The following FERMT2 variants were observed in gnomAD, a reference collection of about 807,000 sequenced individuals.
FERMT2 encodes the protein FERM domain containing kindlin 2.
In FERMT2, 15 loss-of-function variants were observed where a neutral mutation model predicts 82.7. The ratio of observed to expected loss-of-function variants is 0.18; its 90% confidence interval spans 0.12 to 0.28. FERMT2 has a LOEUF of 0.28. Among genes scored for constraint, FERMT2 ranks in the 10% least tolerant of loss-of-function variants. The pLI is 1.00. For synonymous variants in FERMT2, 274 were observed against 271.5 expected, an observed-to-expected ratio of 1.01 and a Z score of -0.09; for missense variants, 645 against 809.4, an observed-to-expected ratio of 0.80 and a Z score of 2.46.
At chr14:52,926,628 A>G (rs909628664) in intron 2 of FERMT2, among the ~76,000 whole-genome samples, 2 of 152,114 alleles carry the variant, frequency 1.3e-5, no homozygotes, top group African/African-American at 4.8e-5. Context: ...TTTATTCAGT[A>G]TATCTTATAT....
chr14:52,894,122 C>T (rs1231955159), intron 3 of FERMT2, among the ~76,000 whole-genome samples: 1 of 152,134 alleles, frequency 6.6e-6, no homozygotes, highest in Non-Finnish European at 1.5e-5. Flanking sequence ...CCACCGTGCC[C>T]GGCCCCAAAT....
At position 52,864,384 on chromosome 14, in the gene FERMT2, T is replaced by G. The variant is rs537272975; in HGVS notation, c.1602+17A>C. The G allele has an allele frequency of 5.1e-6, 8 of 1,575,308 alleles. No homozygotes were observed. In the African/African-American group the frequency reaches 1.1e-4, roughly 21 times the overall value. On this transcript the variant is annotated intron_variant, in intron 12 of 14. Transcript: ENST00000341590. ...AAACAAACCAGCACAGTAGATGAAG[T>G]AAAATGAAGTAAGTACCTGCTTGTT...
chr14:52,899,260 T>C (rs1376027192), intron 3 of FERMT2, among the ~76,000 whole-genome samples: 1 of 151,914 alleles, frequency 6.6e-6, no homozygotes, highest in Non-Finnish European at 1.5e-5. Context: ...ATAAGTTCTG[T>C]AGGCAATTCT....
chr14:52,949,317 T>C (rs1314878253), intron 2 of FERMT2, among the ~76,000 whole-genome samples: 1 of 151,272 alleles, frequency 6.6e-6, no homozygotes, highest in Non-Finnish European at 1.5e-5. Flanking sequence ...AAGAAATAGA[T>C]TTCCTGACAA....
At chr14:52,935,851 T>C (rs1361455396) in intron 2 of FERMT2, among the ~76,000 whole-genome samples, 2 of 152,214 alleles carry the variant, frequency 1.3e-5, no homozygotes, top group East Asian at 3.8e-4. Flanking sequence ...TCTGAGATAA[T>C]GTCTATCAAT....
At position 52,919,169 on chromosome 14, in the gene FERMT2, G is replaced by A. The variant is rs748741367; in HGVS notation, c.345C>T (p.Phe115=). ...NMKYVKVKVN[F]SDRVFKAVSD... is the part of the protein sequence containing the mutation. ...AAACAGCTTTGAAGACTCTATCAGAGAAATTCACTTTCACCTTCACATACT... is the reference window on the plus strand; with the variant it reads ...AAACAGCTTTGAAGACTCTATCAGAAAAATTCACTTTCACCTTCACATACT... Residue 115 remains phenylalanine, a synonymous_variant, in exon 3 of 15, where the codon TTC becomes TTT. Transcript: ENST00000341590. The A allele has an allele frequency of 1.9e-6, 3 of 1,614,044 alleles. No homozygotes were observed. In the Admixed American group the frequency reaches 5.0e-5, roughly 27 times the overall value.
At chr14:52,937,925 A>C (rs981171613) in intron 2 of FERMT2, among the ~76,000 whole-genome samples, 6 of 152,162 alleles carry the variant, frequency 3.9e-5, no homozygotes, top group Non-Finnish European at 8.8e-5. Context: ...CAATAAAACA[A>C]TTATTAGTCT....
At chr14:52,861,113 A>C (rs926956593) in intron 12 of FERMT2, 4 of 1,356,382 alleles carry the variant, frequency 2.9e-6, no homozygotes, top group Non-Finnish European at 4.0e-6. Flanking sequence ...CAACGAAGCA[A>C]AGAAAAAGTT....
chr14:52,899,841 T>C (rs1444047440), intron 3 of FERMT2, among the ~76,000 whole-genome samples: 2 of 152,176 alleles, frequency 1.3e-5, no homozygotes, highest in East Asian at 3.8e-4. Context: ...AAGAAGTAAT[T>C]AACAGACTTA....
intron 3 of FERMT2, among the ~76,000 whole-genome samples, chr14:52,895,719 G>A (rs1887218924): frequency 6.6e-6 from 1 of 152,034 alleles, no homozygotes; most frequent in African/African-American, 2.4e-5. Flanking sequence ...TGGTTTCAGA[G>A]GTATAAATAT....
intron 3 of FERMT2, among the ~76,000 whole-genome samples, chr14:52,915,196 A>G (rs1395578555): frequency 6.6e-6 from 1 of 152,230 alleles, no homozygotes; most frequent in Non-Finnish European, 1.5e-5. Flanking sequence ...GATTTTATTC[A>G]TGAATGGTAA....
At chr14:52,932,141 T>A (rs116872082) in intron 2 of FERMT2, among the ~76,000 whole-genome samples, 1,802 of 152,350 alleles carry the variant, frequency 0.012, 53 homozygotes, top group East Asian at 0.075. Context: ...ATAACTTGGC[T>A]AAAGTTCATA....
Position 52,881,270 on chromosome 14 carries a change from A to C in FERMT2, c.726T>G (p.Leu242=). 6.2e-7 allele frequency: 1 copy of C among 1,614,072 alleles called. No individual in the cohort carries two copies. Among genetic ancestry groups the C allele is most frequent in the Non-Finnish European group, 8.5e-7 (1 of 1,179,966 alleles). The change falls in exon 5 of 15, where the codon CTT becomes CTG. Residue 242 remains leucine (L), a synonymous_variant. Coordinates refer to ENST00000341590, the MANE Select transcript of FERMT2 (RefSeq NM_006832.3). ...ILAKMFKPQA[L]LDKAKINQGW... Reference sequence around the variant, plus strand: ...CTTGGTTGATTTTTGCTTTATCAAGAAGAGCTTGAGGCTTGAACATTTTTG... The same window carrying C: ...CTTGGTTGATTTTTGCTTTATCAAGCAGAGCTTGAGGCTTGAACATTTTTG...
At chr14:52,905,253 A>G (rs1887936894) in intron 3 of FERMT2, among the ~76,000 whole-genome samples, 2 of 152,052 alleles carry the variant, frequency 1.3e-5, no homozygotes, top group South Asian at 4.2e-4. Flanking sequence ...TTGATAAATC[A>G]AGAAGTAACA....
intron 2 of FERMT2, among the ~76,000 whole-genome samples, chr14:52,946,117 T>C (rs1015352681): frequency 6.6e-6 from 1 of 152,126 alleles, no homozygotes; most frequent in African/African-American, 2.4e-5. Flanking sequence ...CCTTCTGATC[T>C]GCCCGCCTTG....
chr14:52,878,423 A>C (rs571839640), intron 7 of FERMT2, among the ~76,000 whole-genome samples, 159 bp downstream of exon 7: 11 of 152,294 alleles, frequency 7.2e-5, no homozygotes, highest in African/African-American at 2.6e-4. Context: ...ATCAAACTAA[A>C]ATGTATTTGT....
intron 10 of FERMT2, among the ~76,000 whole-genome samples, chr14:52,865,406 T>A (rs1348578185): frequency 6.6e-6 from 1 of 152,214 alleles, no homozygotes; most frequent in Non-Finnish European, 1.5e-5. Flanking sequence ...ACAGCTGGCA[T>A]AAACAAGTAG....
chr14:52,872,015 G>A (rs1157516253), intron 10 of FERMT2: 1 of 152,402 alleles, frequency 6.6e-6, no homozygotes, highest in African/African-American at 2.4e-5. Context: ...CCCTGAAAGT[G>A]TCAGCTACTC....
rs549322621 is a variant in FERMT2, at chr14:52,945,740, G to C, written c.157+4672C>G. 2.0e-5 allele frequency among the ~76,000 whole-genome samples: 3 copies of C among 152,268 alleles called. No homozygotes were observed. The East Asian group carries it at 5.8e-4, about 29-fold the overall frequency. ...ACCTATTTTTTCCTCTCTGCTCACA[G>C]AGCTGGCTGGAGATTTCCATTCAGT... is the stretch of plus-strand genomic sequence containing the variant. On this transcript the variant is annotated intron_variant, in intron 2 of 14. Coordinates refer to ENST00000341590, the MANE Select transcript of FERMT2 (RefSeq NM_006832.3).
Sources: gnomAD v4.1 joint callset for allele counts (sites outside exome capture counted in the v4.1 genomes callset) on GRCh38, gnomAD v4.1.1 for gene constraint, MANE v1.5 for transcripts, NCBI Gene and HGNC (gene_info 2026-07-23, HGNC 2026-07-21) for gene names.